The following TRAPPC9 variants were observed in gnomAD, a reference collection of about 807,000 sequenced individuals.
TRAPPC9 encodes the protein IKK2 binding protein.
Under a neutral mutation model 124.0 loss-of-function variants are expected in TRAPPC9, and 83 were observed. That is an observed-to-expected ratio of 0.67 (90% CI 0.56 to 0.80). The LOEUF is 0.80. TRAPPC9 is among the 30% of genes least tolerant of loss of function. The probability of loss-of-function intolerance (pLI) is 0.00; values close to 1 mark genes in which losing one functional copy is unlikely to be tolerated. For synonymous variants in TRAPPC9, 638 were observed against 617.5 expected (o/e 1.03, Z -0.49); for missense variants, 1,302 against 1,508.3 (o/e 0.86, Z 2.27).
At chr8:140,362,836 G>A (rs1247378926) in intron 8 of TRAPPC9, among the ~76,000 whole-genome samples, 1 of 152,116 alleles carries the variant, frequency 6.6e-6, no homozygotes, top group Non-Finnish European at 1.5e-5. Context: ...CATAAGAATT[G>A]GGCAAATATC....
At chr8:139,735,922 C>A (rs779701278) in intron 21 of TRAPPC9, among the ~76,000 whole-genome samples, 1 of 152,058 alleles carries the variant, frequency 6.6e-6, no homozygotes, top group Admixed American at 6.5e-5. Flanking sequence ...AGGTGTGAGG[C>A]CAGGGTGGTA....
intron 4 of TRAPPC9, among the ~76,000 whole-genome samples, chr8:140,431,602 G>A (rs750086246): frequency 2.6e-5 from 4 of 152,036 alleles, no homozygotes; most frequent in African/African-American, 4.8e-5. Flanking sequence ...GCTAATGGTC[G>A]TGAGATATTT....
intron 9 of TRAPPC9, among the ~76,000 whole-genome samples, chr8:140,322,198 T>C (rs114167245): frequency 0.013 from 1,925 of 152,268 alleles, 41 homozygotes; most frequent in African/African-American, 0.044. Context: ...AGCACAAAGA[T>C]GGAAAGCTGG....
At chr8:140,208,459 C>T (rs2062979915) in intron 17 of TRAPPC9, among the ~76,000 whole-genome samples, 1 of 152,226 alleles carries the variant, frequency 6.6e-6, no homozygotes, top group Admixed American at 6.5e-5. Flanking sequence ...CTCCCAGGCC[C>T]TCTGCAAATG....
chr8:140,242,408 G>A (rs1335943583), intron 16 of TRAPPC9, among the ~76,000 whole-genome samples: 2 of 152,174 alleles, frequency 1.3e-5, no homozygotes, highest in Non-Finnish European at 2.9e-5. Flanking sequence ...GGGGAAGAAC[G>A]GATGGAACTC....
chr8:140,027,364 G>C (rs1840211835), intron 17 of TRAPPC9, among the ~76,000 whole-genome samples: 1 of 152,184 alleles, frequency 6.6e-6, no homozygotes, highest in Non-Finnish European at 1.5e-5. Flanking sequence ...TAATGGCTGT[G>C]AAAAGCCAAA....
rs1197131017 is a variant in TRAPPC9, at chr8:139,732,152, G to A, written c.3106C>T (p.Gln1036Ter). 2 of 1,603,742 alleles carry A rather than the reference G, an allele frequency of 1.2e-6. No homozygotes were observed. Among genetic ancestry groups the A allele is most frequent in the East Asian group, 2.2e-5 (1 of 44,576 alleles). Residue 1036 changes from glutamine (Q) to a stop codon, truncating the protein, a stop_gained, in exon 22 of 23, where the codon CAG becomes TAG. Coordinates refer to ENST00000438773, the MANE Select transcript of TRAPPC9 (RefSeq NM_001160372.4). LOFTEE classifies it high-confidence loss of function. ...TCCAGGCGCACGGGGTCGCCCACCT[G>A]GCAGGCCGCCACAGCCTCGCGGTCA... ...PCDREAVAACQVGDPVRLEVR... is the reference protein window; with the variant it reads ...PCDREAVAAC
chr8:140,442,517 G>A (rs1253541984), intron 2 of TRAPPC9, among the ~76,000 whole-genome samples: 1 of 150,962 alleles, frequency 6.6e-6, no homozygotes, highest in Non-Finnish European at 1.5e-5. Flanking sequence ...AGAATGGTGT[G>A]AACCTGGGAG....
chr8:140,054,987 A>G (rs766935020), intron 17 of TRAPPC9, among the ~76,000 whole-genome samples: 1 of 152,196 alleles, frequency 6.6e-6, no homozygotes, highest in Non-Finnish European at 1.5e-5. Context: ...ATTAATTCCA[A>G]TCCTTCTCAA....
intron 15 of TRAPPC9, among the ~76,000 whole-genome samples, chr8:140,261,096 G>A (rs1316191594): frequency 6.6e-6 from 1 of 152,228 alleles, no homozygotes; most frequent in Non-Finnish European, 1.5e-5. Flanking sequence ...GACCATGTTA[G>A]AGGTGATGTG....
chr8:140,201,061 C>G (rs1159017885), intron 17 of TRAPPC9, among the ~76,000 whole-genome samples: 1 of 152,198 alleles, frequency 6.6e-6, no homozygotes, highest in Non-Finnish European at 1.5e-5. Context: ...GCTATTCTAA[C>G]GCCGGATGCA....
Position 139,930,925 on chromosome 8 carries a change from C to T in TRAPPC9, c.2811-20625G>A, listed in dbSNP as rs542124906. On this transcript the variant is annotated intron_variant, in intron 19 of 22. Transcript: ENST00000438773. ...TGCATTAGCTCATTGACTCTGCACT[C>T]GGTGGTGCCCCCTTTCATAGGTATG... Among the ~76,000 whole-genome samples the T allele has an allele frequency of 6.6e-5, 10 of 152,302 alleles. 1 individual carries two copies. The South Asian group carries it at 1.9e-3, about 28-fold the overall frequency.
At chr8:140,119,384 C>T (rs11998277) in intron 17 of TRAPPC9, among the ~76,000 whole-genome samples, 16,207 of 152,226 alleles carry the variant, frequency 0.11, 1,168 homozygotes, top group African/African-American at 0.2. Context: ...TCCTCCCAAC[C>T]CCCTTTCCCG....
intron 5 of TRAPPC9, among the ~76,000 whole-genome samples, chr8:140,419,839 T>C (rs979201173): frequency 1.3e-5 from 2 of 152,020 alleles, no homozygotes; most frequent in Non-Finnish European, 2.9e-5. Flanking sequence ...TGAGCCGAGA[T>C]TGCGCCACTG....
intron 18 of TRAPPC9, among the ~76,000 whole-genome samples, chr8:140,001,300 G>C (rs1039449823): frequency 2.6e-5 from 4 of 151,930 alleles, no homozygotes; most frequent in Non-Finnish European, 4.4e-5. Context: ...ATGACGAGTT[G>C]ATGGGTGCAG....
Position 140,307,652 on chromosome 8 carries a change from ATATT to A in TRAPPC9, c.1622+3592_1622+3595del, listed in dbSNP as rs2066173948. On this transcript the variant is annotated intron_variant, in intron 10 of 22. Coordinates refer to ENST00000438773, the MANE Select transcript of TRAPPC9 (RefSeq NM_001160372.4). ...ATATCACAGATTCTAGGAAAGCTAA[ATATT>A]TATTTTCTCAGCCTGTCTTGCAATT... Among the ~76,000 whole-genome samples, 4 of 152,268 alleles carry A rather than the reference ATATT, an allele frequency of 2.6e-5. No individual in the cohort carries two copies. The South Asian group carries it at 8.3e-4, about 32-fold the overall frequency.
chr8:139,846,667 T>A (rs1333943309), intron 21 of TRAPPC9, among the ~76,000 whole-genome samples: 2 of 152,212 alleles, frequency 1.3e-5, no homozygotes, highest in African/African-American at 4.8e-5. Flanking sequence ...GCTAGCCGCA[T>A]TGGAAGCTGA....
intron 17 of TRAPPC9, among the ~76,000 whole-genome samples, chr8:140,163,978 C>A (rs933360646): frequency 1.7e-4 from 26 of 152,162 alleles, no homozygotes; most frequent in African/African-American, 6.0e-4. Context: ...TAATTTAACT[C>A]GTTCGTGAAG....
At chr8:140,071,236 C>T (rs911902418) in intron 17 of TRAPPC9, among the ~76,000 whole-genome samples, 12 of 152,190 alleles carry the variant, frequency 7.9e-5, no homozygotes, top group Non-Finnish European at 1.8e-4. Context: ...TGTGGTTGTG[C>T]CTGATGGACT....
Sources: gnomAD v4.1 joint callset for allele counts (sites outside exome capture counted in the v4.1 genomes callset) on GRCh38, gnomAD v4.1.1 for gene constraint, MANE v1.5 for transcripts, NCBI Gene and HGNC (gene_info 2026-07-23, HGNC 2026-07-21) for gene names.